EPB41L4B: variants seen among roughly 807,000 people sequenced by gnomAD.
EPB41L4B encodes the protein erythrocyte membrane protein band 4.1 like 4B.
A neutral mutation model predicts 112.5 loss-of-function variants in EPB41L4B; 30 were observed. The ratio of observed to expected loss-of-function variants is 0.27; its 90% CI spans 0.20 to 0.36. The LOEUF is 0.36. Ranked by LOEUF, EPB41L4B falls within the 10% of genes least tolerant of loss-of-function variation. The pLI is 1.00. For synonymous variants in EPB41L4B, 408 were observed against 439.7 expected (o/e 0.93, Z 0.90); for missense variants, 1,024 against 1,133.3 (o/e 0.90, Z 1.38).
intron 5 of EPB41L4B, among the ~76,000 whole-genome samples, chr9:109,263,748 T>C (rs554539817): frequency 6.6e-6 from 1 of 152,372 alleles, no homozygotes; most frequent in South Asian, 2.1e-4. Context: ...TGCATCAAGT[T>C]TGTAAACCTT....
At chr9:109,193,392 G>C (rs1313502469) in intron 21 of EPB41L4B, among the ~76,000 whole-genome samples, 1 of 152,242 alleles carries the variant, frequency 6.6e-6, no homozygotes, top group Non-Finnish European at 1.5e-5. Context: ...AACCTCCACT[G>C]AACCTGACGC....
chr9:109,279,868 A>C lies in EPB41L4B; in HGVS notation c.360T>G (p.Leu120=), dbSNP rs938506264. The C allele has an allele frequency of 4.3e-6, 7 of 1,614,170 alleles. No homozygotes were observed. Among genetic ancestry groups the C allele is most frequent in the Non-Finnish European group, 5.9e-6 (7 of 1,180,020 alleles). ...GGAGGCCAAAGTAATCTGTTTCCAC[A>C]AGGTCCAAGTGGTACACAATCTGAT... The part of the protein sequence containing the change: ...LFDQIVYHLD[L]VETDYFGLQF... The change falls in exon 2 of 26, where the codon CTT becomes CTG. Residue 120 remains leucine, a synonymous_variant. Coordinates refer to ENST00000374566, the MANE Select transcript of EPB41L4B (RefSeq NM_019114.5).
At chr9:109,209,772 A>G (rs576335295) in intron 17 of EPB41L4B, among the ~76,000 whole-genome samples, 95 of 152,316 alleles carry the variant, frequency 6.2e-4, no homozygotes, top group African/African-American at 2.2e-3. Flanking sequence ...AAGTCCCCTC[A>G]TGCAACCATC....
intron 1 of EPB41L4B, among the ~76,000 whole-genome samples, chr9:109,308,819 T>G (rs1030661838): frequency 2.5e-4 from 38 of 152,232 alleles, no homozygotes; most frequent in African/African-American, 9.2e-4. Context: ...GACTCATGCC[T>G]GTAATCTCAG....
At chr9:109,297,864 A>G (rs893922) in intron 1 of EPB41L4B, among the ~76,000 whole-genome samples, 108,976 of 152,146 alleles carry the variant, frequency 0.72, 39,807 homozygotes, top group Middle Eastern at 0.86. Context: ...TGCGTGTAAG[A>G]TTTTCAAAAA....
chr9:109,317,569 A>G (rs1048284888), intron 1 of EPB41L4B, among the ~76,000 whole-genome samples: 1 of 152,240 alleles, frequency 6.6e-6, no homozygotes, highest in South Asian at 2.1e-4. Context: ...TCAGAACACA[A>G]GCATCCTAAC....
At chr9:109,233,292 G>T (rs1336697995) in intron 15 of EPB41L4B, among the ~76,000 whole-genome samples, 1 of 152,076 alleles carries the variant, frequency 6.6e-6, no homozygotes, top group Non-Finnish European at 1.5e-5. Flanking sequence ...AACTTTAATT[G>T]TAACTAGAAG....
chr9:109,273,264 C>A (rs951138841), intron 2 of EPB41L4B, among the ~76,000 whole-genome samples: 1 of 147,462 alleles, frequency 6.8e-6, no homozygotes, highest in Non-Finnish European at 1.5e-5. Context: ...TTTTTCTTTT[C>A]GAGACAGAGT....
At chr9:109,225,006 G>A (rs1833710244) in intron 15 of EPB41L4B, among the ~76,000 whole-genome samples, 1 of 152,166 alleles carries the variant, frequency 6.6e-6, no homozygotes, top group Non-Finnish European at 1.5e-5. Context: ...TTCTATTTAA[G>A]GCAGCAAGTG....
intron 9 of EPB41L4B, 124 bp downstream of exon 9, chr9:109,256,012 G>A: frequency 8.9e-7 from 1 of 1,126,032 alleles, no homozygotes; most frequent in Non-Finnish European, 1.3e-6. Flanking sequence ...ACCCACAACA[G>A]CAGCACCGTG....
At chr9:109,247,699 A>G in intron 14 of EPB41L4B, 57 bp downstream of exon 14, 1 of 1,252,606 alleles carries the variant, frequency 8.0e-7, no homozygotes, top group Non-Finnish European at 1.1e-6. Context: ...CCTTTTTTTA[A>G]ATTTTATTTT....
intron 1 of EPB41L4B, among the ~76,000 whole-genome samples, chr9:109,314,889 CTT>C (rs1837575638): frequency 6.6e-6 from 1 of 152,164 alleles, no homozygotes; most frequent in South Asian, 2.1e-4. Flanking sequence ...GAGAAGCTGT[CTT>C]CAACCTCCTG....
chr9:109,279,423 C>G (rs1835951988), intron 2 of EPB41L4B, among the ~76,000 whole-genome samples: 1 of 152,126 alleles, frequency 6.6e-6, no homozygotes, highest in Admixed American at 6.5e-5. Flanking sequence ...CACCTTGTTG[C>G]CCAGGCTGGT....
intron 17 of EPB41L4B, among the ~76,000 whole-genome samples, chr9:109,210,981 AG>A (rs930886651): frequency 2.6e-5 from 4 of 152,234 alleles, no homozygotes; most frequent in Non-Finnish European, 4.4e-5. Flanking sequence ...TTGGGGATAA[AG>A]AAATGATCAG....
intron 20 of EPB41L4B, among the ~76,000 whole-genome samples, chr9:109,195,677 G>A (rs1832616828): frequency 6.6e-6 from 1 of 152,140 alleles, no homozygotes; most frequent in African/African-American, 2.4e-5. Flanking sequence ...GTTAAGTGGA[G>A]GAGCGGGGTT....
chr9:109,207,064 T>G (rs946593483), intron 18 of EPB41L4B, among the ~76,000 whole-genome samples: 1 of 152,206 alleles, frequency 6.6e-6, no homozygotes, highest in African/African-American at 2.4e-5. Context: ...AGGCATGTCT[T>G]AAGAGCTCAG....
intron 18 of EPB41L4B, among the ~76,000 whole-genome samples, chr9:109,206,435 G>A (rs939933427): frequency 2.0e-5 from 3 of 152,214 alleles, no homozygotes; most frequent in Non-Finnish European, 4.4e-5. Flanking sequence ...CACCCGCCTT[G>A]GCCTTCCAAT....
Position 109,172,595 on chromosome 9 carries a change from C to T in EPB41L4B, c.*1959G>A, listed in dbSNP as rs1831668574. The T allele has an allele frequency of 6.6e-6, 1 of 152,178 alleles. No individual in the cohort carries two copies. The highest frequency in any genetic ancestry group is 1.5e-5 in the Non-Finnish European group (1 of 68,046). The allele number at this position is 152,178 out of a possible 1,614,324, so 9.4% of individuals were successfully genotyped here. On this transcript the variant is annotated 3_prime_UTR_variant, in exon 26 of 26. Coordinates refer to ENST00000374566, the MANE Select transcript of EPB41L4B (RefSeq NM_019114.5). ...ATATTGATAGCTCTTAATGATATCACTGCACCGTACCAAGGTATAAAAGGG... is the reference window on the plus strand; with the variant it reads ...ATATTGATAGCTCTTAATGATATCATTGCACCGTACCAAGGTATAAAAGGG...
At chr9:109,231,939 A>G (rs1833963958) in intron 15 of EPB41L4B, among the ~76,000 whole-genome samples, 1 of 151,944 alleles carries the variant, frequency 6.6e-6, no homozygotes, top group South Asian at 2.1e-4. Flanking sequence ...AAAAATACAA[A>G]TATAGTTGTT....
Sources: allele counts gnomAD v4.1 joint callset (sites outside exome capture counted in the v4.1 genomes callset), GRCh38; gene constraint gnomAD v4.1.1; transcripts MANE v1.5; gene names NCBI Gene and HGNC (gene_info 2026-07-23, HGNC 2026-07-21).